RARRES1: variants seen among roughly 807,000 people sequenced by gnomAD.
The protein encoded by RARRES1 is retinoic acid receptor responder protein 1.
In RARRES1, 34 loss-of-function variants were observed where a neutral mutation model predicts 30.6. The observed-to-expected ratio is 1.11, with a 90% CI of 0.84 to 1.48. The LOEUF (loss-of-function observed/expected upper bound fraction) is 1.48, where lower values mean the gene tolerates loss of function less well. Ranked by LOEUF, RARRES1 falls within the 40% of genes most tolerant of loss-of-function variation. RARRES1 has a pLI of 0.00. For synonymous variants in RARRES1, 153 were observed against 155.5 expected, an observed-to-expected ratio of 0.98 and a Z score of 0.12; for missense variants, 373 against 386.5, an observed-to-expected ratio of 0.97 and a Z score of 0.29.
At chr3:158,720,271 T>TGAGAGAGAGAGAGAGAGAGAGAGAGAGA (rs1381094640) in intron 1 of RARRES1, among the ~76,000 whole-genome samples, 5 of 148,790 alleles carry the variant, frequency 3.4e-5, no homozygotes, top group African/African-American at 1.3e-4. Context: ...TGTGTATGTG[T>TGAGAGAGAGAGAGAGAGAGAGAGAGAGA]GTGAGAGAGA....
At chr3:158,703,900 A>T (rs1399016490) in intron 4 of RARRES1, among the ~76,000 whole-genome samples, 1 of 152,168 alleles carries the variant, frequency 6.6e-6, no homozygotes, top group African/African-American at 2.4e-5. Context: ...CCTGAACTTC[A>T]GACTCTTCTG....
intron 3 of RARRES1, among the ~76,000 whole-genome samples, chr3:158,709,507 A>G (rs1727040812): frequency 6.6e-6 from 1 of 152,256 alleles, no homozygotes; most frequent in African/African-American, 2.4e-5. Context: ...CTGAGTTGTC[A>G]GAGAACTATC....
intron 1 of RARRES1, among the ~76,000 whole-genome samples, chr3:158,720,233 G>GGTGTGTGTGTGTGTGTGTGTGTGT (rs781535998): frequency 7.2e-4 from 100 of 139,334 alleles, no homozygotes; most frequent in African/African-American, 2.6e-3. Flanking sequence ...GCTGGCTGCT[G>GGTGTGTGTGTGTGTGTGTGTGTGT]GTGTGTGTGT....
intron 4 of RARRES1, among the ~76,000 whole-genome samples, chr3:158,702,559 CT>C (rs1726772141): frequency 6.6e-6 from 1 of 152,146 alleles, no homozygotes; most frequent in African/African-American, 2.4e-5. Flanking sequence ...CTAGTTTTTT[CT>C]GTTATCTCAA....
chr3:158,731,196 T>G (rs1337354312), intron 1 of RARRES1, among the ~76,000 whole-genome samples: 1 of 152,226 alleles, frequency 6.6e-6, no homozygotes, highest in Non-Finnish European at 1.5e-5. Context: ...GACTTTCCAA[T>G]GGTGTTTGCT....
At chr3:158,712,994 T>C (rs1367468534) in intron 2 of RARRES1, among the ~76,000 whole-genome samples, 3 of 152,252 alleles carry the variant, frequency 2.0e-5, no homozygotes, top group Non-Finnish European at 4.4e-5. Context: ...ACTGCTGTCA[T>C]GTTGGATACT....
At chr3:158,711,220 T>C (rs9840571) in intron 2 of RARRES1, among the ~76,000 whole-genome samples, 77,854 of 151,990 alleles carry the variant, frequency 0.51, 20,006 homozygotes, top group South Asian at 0.6. Context: ...GCTCAAACCT[T>C]TAGAGTAGTG....
At chr3:158,700,929 C>T (rs1158549498) in intron 4 of RARRES1, among the ~76,000 whole-genome samples, 1 of 151,360 alleles carries the variant, frequency 6.6e-6, no homozygotes, top group African/African-American at 2.4e-5. Flanking sequence ...AGCAAAGGAT[C>T]TCTAACAGAA....
chr3:158,727,566 G>A (rs1399365508), intron 1 of RARRES1, among the ~76,000 whole-genome samples: 3 of 152,184 alleles, frequency 2.0e-5, no homozygotes, highest in South Asian at 2.1e-4. Flanking sequence ...GTGGCAAGAG[G>A]AGACTTGTCT....
At chr3:158,722,910 C>T (rs1727564044) in intron 1 of RARRES1, among the ~76,000 whole-genome samples, 1 of 151,930 alleles carries the variant, frequency 6.6e-6, no homozygotes, top group Non-Finnish European at 1.5e-5. Context: ...TCTAACATCC[C>T]CTTTAAACTC....
Position 158,700,178 on chromosome 3 carries a change from G to A in RARRES1, c.673-2208C>T, listed in dbSNP as rs186490945. Reference sequence around the variant, plus strand: ...ATTATTTTTTAATAGAGACCACCTCGTCTTTATTTAAAAAATAATAATAAG... The same window carrying A: ...ATTATTTTTTAATAGAGACCACCTCATCTTTATTTAAAAAATAATAATAAG... On this transcript the variant is annotated intron_variant, in intron 4 of 5. Transcript: ENST00000237696. 4.7e-5 allele frequency among the ~76,000 whole-genome samples: 7 copies of A among 150,098 alleles called. No individual in the cohort carries two copies. The East Asian group carries it at 7.8e-4, about 17-fold the overall frequency.
Position 158,710,886 on chromosome 3 carries a change from T to C in RARRES1, c.387A>G (p.Arg129=). Residue 129 remains arginine, a synonymous_variant, in exon 3 of 6, where the codon CGA becomes CGG. Transcript: ENST00000237696. ...TGGGTTTCTGATTCTTGAAAAACAC[T>C]CGAGCAGAACATTTCCCCAAACGTC... The part of the protein sequence containing the change: ...GEGRLGKCSA[R]VFFKNQKPRP... The C allele has an allele frequency of 8.1e-6, 13 of 1,614,144 alleles. No individual in the cohort carries two copies. The highest frequency in any genetic ancestry group is 2.2e-5 in the South Asian group (2 of 91,082).
intron 1 of RARRES1, among the ~76,000 whole-genome samples, chr3:158,731,332 A>G (rs1436884834): frequency 1.3e-5 from 2 of 152,192 alleles, no homozygotes. Flanking sequence ...GCTTTGTGGA[A>G]TATCTGGAGG....
intron 1 of RARRES1, among the ~76,000 whole-genome samples, chr3:158,721,478 A>T (rs1005307094): frequency 1.3e-5 from 2 of 152,182 alleles, no homozygotes; most frequent in Non-Finnish European, 2.9e-5. Flanking sequence ...AGAACTCTCT[A>T]GCTACTGAGT....
intron 3 of RARRES1, 44 bp downstream of exon 3, chr3:158,710,694 T>C (rs2108138487): frequency 6.7e-7 from 1 of 1,498,168 alleles, no homozygotes. Flanking sequence ...ATTTAGTTAT[T>C]ACATACATTC....
chr3:158,731,429 C>CTTCA (rs1251589088), intron 1 of RARRES1, among the ~76,000 whole-genome samples: 4 of 152,296 alleles, frequency 2.6e-5, no homozygotes, highest in Admixed American at 2.6e-4. Flanking sequence ...CGCAAAGTAG[C>CTTCA]TTCACACATA....
intron 4 of RARRES1, 183 bp from the exon 5 acceptor site, chr3:158,698,153 G>A: frequency 1.8e-6 from 1 of 563,008 alleles, no homozygotes. Flanking sequence ...TTTTTGTCTT[G>A]TCACTGAGTT....
intron 1 of RARRES1, among the ~76,000 whole-genome samples, chr3:158,725,541 G>A (rs537615107): frequency 6.6e-6 from 1 of 152,166 alleles, no homozygotes; most frequent in South Asian, 2.1e-4. Flanking sequence ...GTCTTGATGT[G>A]GGACATTACT....
intron 1 of RARRES1, among the ~76,000 whole-genome samples, chr3:158,716,383 G>T (rs756471239): frequency 1.3e-5 from 2 of 152,248 alleles, no homozygotes; most frequent in African/African-American, 4.8e-5. Flanking sequence ...TATATGCTAT[G>T]CAAAAAGATT....
Sources: gnomAD v4.1 joint callset for allele counts (sites outside exome capture counted in the v4.1 genomes callset) on GRCh38, gnomAD v4.1.1 for gene constraint, MANE v1.5 for transcripts, NCBI Gene and HGNC (gene_info 2026-07-23, HGNC 2026-07-21) for gene names.